The following TBCD variants were observed in gnomAD, a reference collection of about 807,000 sequenced individuals.
The protein encoded by TBCD is tubulin folding cofactor D, also known as tubulin-specific chaperone D.
TBCD carries 105 observed loss-of-function variants against 169.3 expected under a neutral mutation model. The observed-to-expected ratio is 0.62, with a 90% CI of 0.53 to 0.73. The LOEUF is 0.73. Ranked by LOEUF, TBCD falls within the 30% of genes least tolerant of loss-of-function variation. TBCD has a pLI of 0.00. For missense variants in TBCD, 1,444 were observed against 1,600.1 expected, an observed-to-expected ratio of 0.90 and a Z score of 1.66; for synonymous variants, 700 against 643.9, an observed-to-expected ratio of 1.09 and a Z score of -1.32.
rs758859819 is a variant in TBCD at position 82,847,077 on chromosome 17, C to T, written c.1319-23147C>T. ...TCTCATTAAAAAGAAACAGGCCGGG[C>T]GTGGTGGCTCACGCCTGTAATCCCA... On this transcript the variant is annotated intron_variant, in intron 13 of 38. Transcript: ENST00000355528. 4.6e-5 allele frequency among the ~76,000 whole-genome samples: 7 copies of T among 152,258 alleles called. No homozygotes were observed. In the East Asian group the frequency reaches 9.6e-4, roughly 21 times the overall value.
At chr17:82,810,272 C>G (rs1290760209) in intron 12 of TBCD, among the ~76,000 whole-genome samples, 1 of 152,140 alleles carries the variant, frequency 6.6e-6, no homozygotes, top group South Asian at 2.1e-4. Context: ...GCCTGGGCAA[C>G]GAAGCGAAAC....
rs553985312 is a variant in TBCD, at chr17:82,804,149, G to A, written c.951-1726G>A. Among the ~76,000 whole-genome samples the A allele has an allele frequency of 9.4e-5, 14 of 149,524 alleles. No homozygotes were observed. The South Asian group carries it at 2.8e-3, about 30-fold the overall frequency. On this transcript the variant is annotated intron_variant, in intron 9 of 38. Transcript: ENST00000355528. ...AGTGGGGGCTGGGGTGTGCCTGCCT[G>A]TGGGGTGTTGGGGAAGAGTGGGGGC...
chr17:82,912,234 G>T (rs1356034884), intron 23 of TBCD, among the ~76,000 whole-genome samples: 1 of 152,176 alleles, frequency 6.6e-6, no homozygotes. Context: ...GCTCAGGCGG[G>T]GGCAAGAGGA....
Position 82,797,737 on chromosome 17 carries a change from A to G in TBCD, c.772-20A>G. On this transcript the variant is annotated intron_variant, in intron 7 of 38. Transcript: ENST00000355528. ...TCTATTTGTATTTGTAACATTAAAA[A>G]TCTTTTTTTTTTTTTTTAGGCACAA... 7.9e-7 allele frequency: 1 copy of G among 1,262,378 alleles called. No individual in the cohort carries two copies. The highest frequency in any genetic ancestry group is 1.1e-6 in the Non-Finnish European group (1 of 909,732). 78.2% of individuals were successfully genotyped at this position (1,262,378 alleles called of 1,614,324 possible).
intron 13 of TBCD, among the ~76,000 whole-genome samples, chr17:82,847,197 C>A (rs1040713420): frequency 1.3e-5 from 2 of 151,410 alleles, no homozygotes; most frequent in Non-Finnish European, 2.9e-5. Context: ...TAAAAATACA[C>A]AAAAAATTAG....
chr17:82,916,250 T>G (rs1406865625), intron 23 of TBCD, among the ~76,000 whole-genome samples: 1 of 152,230 alleles, frequency 6.6e-6, no homozygotes, highest in Non-Finnish European at 1.5e-5. Flanking sequence ...TTCCACTTTT[T>G]TTTTTTGAGA....
chr17:82,893,264 T>TA, intron 16 of TBCD: 1 of 457,992 alleles, frequency 2.2e-6, no homozygotes, highest in Non-Finnish European at 3.9e-6. Flanking sequence ...AAAGGTCTCT[T>TA]ACCACGTACC....
Position 82,831,210 on chromosome 17 carries a change from CG to C in TBCD, c.1318+16278del. On this transcript the variant is annotated intron_variant, in intron 13 of 38. Transcript: ENST00000355528. This position sits in a 1 kb window ranked among gnomAD's most constrained non-coding sequence, Gnocchi z 4.6. ...TCGTCTGCATGAAGTCGGTGGGGCT[CG>C]GCCTCCCTGGGGAGCCCGTGGCTGC... 1 of 1,614,072 alleles carries C rather than the reference CG, an allele frequency of 6.2e-7. No homozygotes were observed. The highest frequency in any genetic ancestry group is 8.5e-7 in the Non-Finnish European group (1 of 1,180,038).
chr17:82,810,946 A>G (rs1030607553), intron 12 of TBCD, among the ~76,000 whole-genome samples: 4 of 152,208 alleles, frequency 2.6e-5, no homozygotes, highest in Admixed American at 6.5e-5. Flanking sequence ...ACAGGAAACA[A>G]TGTGTCAGAT....
At chr17:82,753,447 CTTTTTTTTTT>C (rs59839519) in intron 1 of TBCD, among the ~76,000 whole-genome samples, 2 of 104,294 alleles carry the variant, frequency 1.9e-5, no homozygotes, top group Admixed American at 1.1e-4. Context: ...TGGCTTCTTC[CTTTTTTTTTT>C]TTTTTTTTTT....
At position 82,814,578 on chromosome 17, in the gene TBCD, C is replaced by T. The variant is rs182775637; in HGVS notation, c.1224-262C>T. On this transcript the variant is annotated intron_variant, in intron 12 of 38. Transcript: ENST00000355528. ...TCACCCAGGCTAGAGTGCAGTGGCG[C>T]GATCTCAGCTCACTGCAACCTCCGC... Among the ~76,000 whole-genome samples, 12 of 152,306 alleles carry T rather than the reference C, an allele frequency of 7.9e-5. No individual in the cohort carries two copies. The East Asian group carries it at 1.5e-3, about 20-fold the overall frequency.
At chr17:82,918,284 C>T (rs2061195825) in intron 23 of TBCD, 2 of 151,780 alleles carry the variant, frequency 1.3e-5, no homozygotes, top group South Asian at 4.2e-4. Context: ...ACTAACTCCA[C>T]ACTCAAATCA....
chr17:82,941,337 C>T, intron 37 of TBCD, 62 bp from the exon 38 acceptor site: 1 of 1,444,480 alleles, frequency 6.9e-7, no homozygotes, highest in Non-Finnish European at 9.4e-7. Context: ...CGCGGGACCT[C>T]CGCACACCTG....
intron 17 of TBCD, among the ~76,000 whole-genome samples, chr17:82,894,587 C>T (rs2059357227): frequency 6.6e-6 from 1 of 152,208 alleles, no homozygotes. Flanking sequence ...GATCTTTGAA[C>T]ACACTTATCT....
At chr17:82,820,182 T>G (rs2052297069) in intron 13 of TBCD, among the ~76,000 whole-genome samples, 1 of 152,158 alleles carries the variant, frequency 6.6e-6, no homozygotes, top group Non-Finnish European at 1.5e-5. Flanking sequence ...TTCTCCATGT[T>G]GGCCAGGCTG....
chr17:82,774,094 CAG>C (rs948142484), intron 6 of TBCD, among the ~76,000 whole-genome samples: 1 of 146,666 alleles, frequency 6.8e-6, no homozygotes, highest in South Asian at 2.1e-4. Context: ...GGGTGTTTCT[CAG>C]AGAGGGGGAT....
intron 13 of TBCD, among the ~76,000 whole-genome samples, chr17:82,837,565 C>G (rs750461348): frequency 6.6e-6 from 1 of 152,126 alleles, no homozygotes; most frequent in Admixed American, 6.5e-5. Context: ...GTTAATAAAG[C>G]AGAGTCTCAT....
intron 6 of TBCD, 144 bp downstream of exon 6, chr17:82,772,651 T>A: frequency 1.2e-6 from 1 of 855,960 alleles, no homozygotes; most frequent in Non-Finnish European, 2.0e-6. Flanking sequence ...TCTGAGGGAG[T>A]GTGCAGCAGT....
chr17:82,775,753 AG>A (rs1370473522), intron 6 of TBCD, among the ~76,000 whole-genome samples: 3 of 42,826 alleles, frequency 7.0e-5, no homozygotes, highest in African/African-American at 3.1e-4. Context: ...GGGTGGGGGG[AG>A]GGGGGAGGGA....
Sources: allele counts gnomAD v4.1 joint callset (sites outside exome capture counted in the v4.1 genomes callset), GRCh38; gene constraint gnomAD v4.1.1; non-coding constraint Gnocchi (gnomAD v3.1); transcripts MANE v1.5; gene names NCBI Gene and HGNC (gene_info 2026-07-23, HGNC 2026-07-21).